The following GALNTL6 variants were observed in gnomAD, a reference collection of about 807,000 sequenced individuals.
The protein encoded by GALNTL6 is polypeptide N-acetylgalactosaminyltransferase like 6.
In GALNTL6, 46 loss-of-function variants were observed where a neutral mutation model predicts 73.7. The observed-to-expected ratio is 0.62, with a 90% confidence interval of 0.49 to 0.80. GALNTL6 has a LOEUF of 0.80. Ranked by LOEUF, GALNTL6 falls within the 30% of genes least tolerant of loss-of-function variation. The pLI is 0.00. For missense variants in GALNTL6, 604 were observed against 755.0 expected (o/e 0.80, Z 2.34); for synonymous variants, 259 against 263.7 (o/e 0.98, Z 0.17).
At chr4:172,289,515 T>C (rs1044454168) in intron 3 of GALNTL6, among the ~76,000 whole-genome samples, 7 of 152,224 alleles carry the variant, frequency 4.6e-5, no homozygotes, top group Non-Finnish European at 7.3e-5. Flanking sequence ...ATTTTCTTAA[T>C]GACAACAATT....
chr4:171,866,466 A>C (rs1424925196), intron 2 of GALNTL6, among the ~76,000 whole-genome samples: 1 of 152,170 alleles, frequency 6.6e-6, no homozygotes, highest in Non-Finnish European at 1.5e-5. Context: ...GGGTAAAATT[A>C]TCTCATAGGA....
chr4:172,401,844 G>A (rs1744050249), intron 5 of GALNTL6, among the ~76,000 whole-genome samples: 1 of 146,990 alleles, frequency 6.8e-6, no homozygotes, highest in Admixed American at 7.0e-5. Context: ...ATCCAGTGAA[G>A]AATATTCTTA....
chr4:172,524,249 A>G (rs533033992), intron 5 of GALNTL6, among the ~76,000 whole-genome samples: 1 of 150,920 alleles, frequency 6.6e-6, no homozygotes, highest in South Asian at 2.1e-4. Flanking sequence ...TCATTTATTT[A>G]TTTATTTATT....
At chr4:172,368,956 C>G (rs753046526) in intron 5 of GALNTL6, among the ~76,000 whole-genome samples, 17 of 152,162 alleles carry the variant, frequency 1.1e-4, no homozygotes, top group Admixed American at 3.9e-4. Context: ...AAAGGCGGCA[C>G]AGACCCAAAG....
At chr4:172,004,183 C>T (rs1036043444) in intron 2 of GALNTL6, among the ~76,000 whole-genome samples, 8 of 152,066 alleles carry the variant, frequency 5.3e-5, no homozygotes, top group African/African-American at 1.4e-4. Flanking sequence ...CCTTTTGTTC[C>T]TAACTGCAAA....
At chr4:172,749,460 G>T (rs1334017734) in intron 5 of GALNTL6, among the ~76,000 whole-genome samples, 1 of 151,834 alleles carries the variant, frequency 6.6e-6, no homozygotes, top group Non-Finnish European at 1.5e-5. Flanking sequence ...ATGTGTGAAG[G>T]TTCTTTTATA....
chr4:172,149,607 CTG>C (rs1429943347), intron 2 of GALNTL6, among the ~76,000 whole-genome samples: 1 of 152,108 alleles, frequency 6.6e-6, no homozygotes, highest in Non-Finnish European at 1.5e-5. Context: ...CCGCCGAGCC[CTG>C]GTTTTCGCCC....
chr4:172,758,731 CT>C (rs927522535), intron 5 of GALNTL6, among the ~76,000 whole-genome samples: 51 of 152,322 alleles, frequency 3.3e-4, no homozygotes, highest in African/African-American at 1.1e-3. Context: ...CAAAATTTCA[CT>C]TTGTCCTACC....
At chr4:172,923,851 C>A (rs973946345) in intron 8 of GALNTL6, among the ~76,000 whole-genome samples, 12 of 151,886 alleles carry the variant, frequency 7.9e-5, no homozygotes, top group African/African-American at 2.7e-4. Context: ...TTATAGTAAG[C>A]ATCAAATCTC....
chr4:172,839,508 T>C (rs1422868331), intron 7 of GALNTL6, among the ~76,000 whole-genome samples: 1 of 152,198 alleles, frequency 6.6e-6, no homozygotes, highest in Non-Finnish European at 1.5e-5. Context: ...GGTGTGAAGA[T>C]AGTGAAAAGT....
intron 10 of GALNTL6, among the ~76,000 whole-genome samples, chr4:172,963,999 G>A (rs910259817): frequency 2.6e-5 from 4 of 152,210 alleles, no homozygotes; most frequent in Non-Finnish European, 5.9e-5. Flanking sequence ...GGCAAGGAGA[G>A]TGGGTAGAGT....
chr4:171,973,506 T>C (rs1739630378), intron 2 of GALNTL6, among the ~76,000 whole-genome samples: 1 of 152,178 alleles, frequency 6.6e-6, no homozygotes, highest in Non-Finnish European at 1.5e-5. Flanking sequence ...ACATGGATAC[T>C]GTCTCTGTGT....
chr4:173,031,710 T>C (rs1271994114), intron 12 of GALNTL6, among the ~76,000 whole-genome samples: 1 of 152,324 alleles, frequency 6.6e-6, no homozygotes, highest in East Asian at 1.9e-4. Context: ...GTAGCTATTA[T>C]GTTCACATGA....
At chr4:172,360,241 T>C (rs1232957328) in intron 5 of GALNTL6, among the ~76,000 whole-genome samples, 1 of 152,198 alleles carries the variant, frequency 6.6e-6, no homozygotes. Context: ...TAAGTTCCAA[T>C]GGAGATACTG....
At chr4:172,416,819 T>C (rs1199862546) in intron 5 of GALNTL6, among the ~76,000 whole-genome samples, 2 of 152,172 alleles carry the variant, frequency 1.3e-5, no homozygotes, top group East Asian at 3.9e-4. Context: ...AAACATTTAA[T>C]TTAAAAATGA....
intron 5 of GALNTL6, among the ~76,000 whole-genome samples, chr4:172,696,610 T>C (rs1465732859): frequency 2.0e-5 from 3 of 152,140 alleles, no homozygotes; most frequent in East Asian, 1.9e-4. Flanking sequence ...CAAGATCTGA[T>C]GGTTTTATAA....
chr4:171,873,231 G>A (rs1299020335), intron 2 of GALNTL6, among the ~76,000 whole-genome samples: 1 of 152,076 alleles, frequency 6.6e-6, no homozygotes, highest in East Asian at 1.9e-4. Flanking sequence ...CAACATATTG[G>A]ACCTTGGCAG....
rs533462534 is a variant in GALNTL6, at chr4:171,958,668, A to G, written c.138+143950A>G. On this transcript the variant is annotated intron_variant, in intron 2 of 12. Coordinates refer to ENST00000506823, the MANE Select transcript of GALNTL6 (RefSeq NM_001034845.3). ...TTTACAAACTTTACATTACTCCCAT[A>G]TCAACTATGATCAATCACATAATTG... Among the ~76,000 whole-genome samples, 13 of 152,258 alleles carry G rather than the reference A, an allele frequency of 8.5e-5. No individual in the cohort carries two copies. The South Asian group carries it at 1.7e-3, about 19-fold the overall frequency.
chr4:172,573,580 A>G (rs1736846331), intron 5 of GALNTL6, among the ~76,000 whole-genome samples: 1 of 152,178 alleles, frequency 6.6e-6, no homozygotes, highest in Non-Finnish European at 1.5e-5. Context: ...GTAATGTAAA[A>G]GAAACATTAG....
Sources: allele counts gnomAD v4.1 joint callset (sites outside exome capture counted in the v4.1 genomes callset), GRCh38; gene constraint gnomAD v4.1.1; transcripts MANE v1.5; gene names NCBI Gene and HGNC (gene_info 2026-07-23, HGNC 2026-07-21).